The following SDR39U1 variants were observed in gnomAD, a reference collection of about 807,000 sequenced individuals.
SDR39U1 encodes the protein epimerase family protein SDR39U1.
In SDR39U1, 29 loss-of-function variants were observed where a neutral mutation model predicts 31.7. The ratio of observed to expected loss-of-function variants is 0.92; its 90% CI spans 0.68 to 1.25. The LOEUF (loss-of-function observed/expected upper bound fraction) is 1.25. Ranked by LOEUF, SDR39U1 falls within the 50% of genes most tolerant of loss-of-function variation. The pLI is 0.00. For missense variants in SDR39U1, 403 were observed against 378.4 expected (o/e 1.06, Z -0.54); for synonymous variants, 147 against 159.0 (o/e 0.92, Z 0.57).
At chr14:24,441,483 C>T in intron 4 of SDR39U1, 191 bp downstream of exon 4, 1 of 548,892 alleles carries the variant, frequency 1.8e-6, no homozygotes, top group Non-Finnish European at 3.1e-6. Context: ...ATGCCACTCC[C>T]CACTGTTTTT....
intron 4 of SDR39U1, 101 bp downstream of exon 4, chr14:24,441,573 G>T: frequency 1.0e-6 from 1 of 994,168 alleles, no homozygotes; most frequent in Non-Finnish European, 1.5e-6. Flanking sequence ...AAGTCATTTT[G>T]CCTGGAAAAG....
At position 24,439,999 on chromosome 14, in the gene SDR39U1, G is replaced by T; in HGVS notation, c.*84C>A. ...GGAATCTAAGAACCAGATGGCTTCA[G>T]CTCTCTAGAGGAGCTGAGCCTATTC... On this transcript the variant is annotated 3_prime_UTR_variant, in exon 6 of 6. Transcript: ENST00000399395. 8.6e-7 allele frequency: 1 copy of T among 1,164,092 alleles called. No homozygotes were observed. The highest frequency in any genetic ancestry group is 2.5e-5 in the East Asian group (1 of 40,016). 72.1% of individuals were successfully genotyped at this position (1,164,092 alleles called of 1,614,324 possible).
chr14:24,442,409 C>T lies in SDR39U1; in HGVS notation c.60G>A (p.Leu20=). The change falls in exon 2 of 6, where the codon CTG becomes CTA. Residue 20 remains leucine, a synonymous_variant. Coordinates refer to ENST00000399395, the MANE Select transcript of SDR39U1 (RefSeq NM_020195.3). The part of the protein sequence containing the change: ...GFIGTALTQL[L]NARGHEVTLV... Reference sequence around the variant, plus strand: ...ACGTCACTTCGTGGCCTCTGGCATTCAGCAGCTGGGTTAGGGCTGTCCCAA... The same window carrying T: ...ACGTCACTTCGTGGCCTCTGGCATTTAGCAGCTGGGTTAGGGCTGTCCCAA... 6.2e-7 allele frequency: 1 copy of T among 1,611,202 alleles called. No individual in the cohort carries two copies.
rs751691111 is a variant in SDR39U1 at position 24,442,175 on chromosome 14, G to A, written c.206+3C>T. ...GGGTATCAGCTTTAGGGCCCGGGCT[G>A]ACCTTCGGAGAGGGTTGAGGATGTT... On this transcript the variant is annotated splice_donor_region_variant and intron_variant, in intron 3 of 5. Coordinates refer to ENST00000399395, the MANE Select transcript of SDR39U1 (RefSeq NM_020195.3). The A allele has an allele frequency of 5.5e-5, 89 of 1,609,250 alleles. No individual in the cohort carries two copies. Among genetic ancestry groups the A allele is most frequent in the South Asian group, 1.1e-4 (10 of 89,996 alleles).
chr14:24,442,797 A>G, upstream of SDR39U1: 2 of 1,613,764 alleles, frequency 1.2e-6, no homozygotes, highest in East Asian at 2.2e-5. Context: ...GCGCCTGCGT[A>G]AAGTTTAGAG....
chr14:24,441,095 C>T (rs2043323891), intron 4 of SDR39U1, 169 bp from the exon 5 acceptor site: 4 of 711,064 alleles, frequency 5.6e-6, no homozygotes, highest in African/African-American at 2.0e-5. Context: ...TGAAGCGTTC[C>T]TTCCCTGGAG....
At chr14:24,441,378 G>T in intron 4 of SDR39U1, 1 of 464,904 alleles carries the variant, frequency 2.2e-6, no homozygotes, top group Non-Finnish European at 3.8e-6. Flanking sequence ...GCAATTACTT[G>T]GTCCCAAAGG....
chr14:24,442,520 G>T, intron 1 of SDR39U1, 68 bp from the exon 2 acceptor site: 7 of 1,423,246 alleles, frequency 4.9e-6, no homozygotes, highest in Non-Finnish European at 5.8e-6. Context: ...CGTCCCCGCT[G>T]TGGCACCCTC....
Position 24,439,871 on chromosome 14 carries a change from A to T in SDR39U1, c.*212T>A, listed in dbSNP as rs1594761528. On this transcript the variant is annotated 3_prime_UTR_variant, in exon 6 of 6. Coordinates refer to ENST00000399395, the MANE Select transcript of SDR39U1 (RefSeq NM_020195.3). ...GACATGTAGAGAAACCAAACTGGGA[A>T]ATCTTACAAGGAGTTGAAAAGATTA... 2 of 508,920 alleles carry T rather than the reference A, an allele frequency of 3.9e-6. No individual in the cohort carries two copies. Among genetic ancestry groups the T allele is most frequent in the East Asian group, 6.2e-5 (2 of 32,152 alleles). The allele number at this position is 508,920 out of a possible 1,614,324, so 31.5% of individuals were successfully genotyped here.
In SDR39U1 at chr14:24,439,852, T is replaced by G; in HGVS notation, c.*231A>C. 2.0e-6 allele frequency: 1 copy of G among 489,880 alleles called. No individual in the cohort carries two copies. The highest frequency in any genetic ancestry group is 3.6e-6 in the Non-Finnish European group (1 of 276,624). 30.3% of individuals were successfully genotyped at this position (489,880 alleles called of 1,614,324 possible). On this transcript the variant is annotated 3_prime_UTR_variant, in exon 6 of 6. Transcript: ENST00000399395. ...AGAAGTGGGGCAGCTGCAGGACATG[T>G]AGAGAAACCAAACTGGGAAATCTTA... is the stretch of plus-strand genomic sequence containing the variant.
chr14:24,439,888 A>C lies in SDR39U1; in HGVS notation c.*195T>G. 1.9e-6 allele frequency: 1 copy of C among 539,286 alleles called. No individual in the cohort carries two copies. The highest frequency in any genetic ancestry group is 3.2e-6 in the Non-Finnish European group (1 of 309,278). The allele number at this position is 539,286 out of a possible 1,614,324, so 33.4% of individuals were successfully genotyped here. ...AACTGGGAAATCTTACAAGGAGTTG[A>C]AAAGATTAATGTCCCAACCTGATGA... On this transcript the variant is annotated 3_prime_UTR_variant, in exon 6 of 6. Transcript: ENST00000399395.
intron 1 of SDR39U1, 84 bp downstream of exon 1, chr14:24,442,670 G>T: frequency 6.5e-7 from 1 of 1,545,434 alleles, no homozygotes; most frequent in Non-Finnish European, 8.9e-7. Context: ...CTGTGCACTA[G>T]ACAGTGCCCT....
chr14:24,441,047 G>A (rs756467648), intron 4 of SDR39U1, 121 bp from the exon 5 acceptor site: 3 of 1,095,866 alleles, frequency 2.7e-6, no homozygotes, highest in Non-Finnish European at 4.1e-6. Flanking sequence ...TGGAGACAGA[G>A]CCATTTGGAT....
chr14:24,440,653 T>A, intron 5 of SDR39U1, 130 bp downstream of exon 5: 2 of 1,371,398 alleles, frequency 1.5e-6, no homozygotes, highest in South Asian at 1.3e-5. Context: ...CACCTTCTCA[T>A]CTGCAGGTTG....
In SDR39U1 at chr14:24,442,267, G is replaced by C; in HGVS notation, c.124-7C>G. The stretch of plus-strand genomic sequence containing the variant: ...CCGATGCAGCGAGCTCATCCTGTCG[G>C]AGAAAGCACACAGTGCCCCTGCCCC... On this transcript the variant is annotated splice_polypyrimidine_tract_variant and splice_region_variant and intron_variant, in intron 2 of 5. Transcript: ENST00000399395. 6.2e-7 allele frequency: 1 copy of C among 1,608,050 alleles called. No individual in the cohort carries two copies. The highest frequency in any genetic ancestry group is 8.5e-7 in the Non-Finnish European group (1 of 1,177,630).
In SDR39U1 at chr14:24,440,477, C is replaced by A. The variant is rs557845473; in HGVS notation, c.488G>T (p.Arg163Leu). 1.2e-6 allele frequency: 2 copies of A among 1,606,178 alleles called. No individual in the cohort carries two copies. The highest frequency in any genetic ancestry group is 1.7e-6 in the Non-Finnish European group (2 of 1,176,298). Reference protein sequence around the residue: ...VVVRSGVVLGRGGGAMGHMLL... With the variant: ...VVVRSGVVLGLGGGAMGHMLL... The stretch of plus-strand genomic sequence containing the variant: ...CATGTGGCCCATGGCACCACCCCCA[C>A]GGCCCAGCACAACCCCTAGAGCAGG... Residue 163 changes from arginine (R) to leucine (L), a missense_variant, in exon 6 of 6, where the codon CGT becomes CTT. Transcript: ENST00000399395.
At position 24,440,378 on chromosome 14, in the gene SDR39U1, C is replaced by A. The variant is rs200984811; in HGVS notation, c.587G>T (p.Gly196Val). 1.4e-5 allele frequency: 22 copies of A among 1,613,990 alleles called. No homozygotes were observed. Among genetic ancestry groups the A allele is most frequent in the Non-Finnish European group, 8.5e-7 (1 of 1,179,868 alleles). Residue 196 changes from glycine to valine, a missense_variant, in exon 6 of 6, where the codon GGG becomes GTG. Transcript: ENST00000399395. The stretch of plus-strand genomic sequence containing the variant: ...ATGGGTCAGGATTCCTGCCAGGTCC[C>A]CGATGTGTATCCAGGGGAAGAATTG... Reference protein sequence around the residue: ...GHQFFPWIHIGDLAGILTHAL... With the variant: ...GHQFFPWIHIVDLAGILTHAL...
chr14:24,440,950 G>T, intron 4 of SDR39U1, 24 bp from the exon 5 acceptor site: 1 of 1,613,866 alleles, frequency 6.2e-7, no homozygotes, highest in Non-Finnish European at 8.5e-7. Context: ...ACAATCATTT[G>T]CCCTGGGTGT....
At chr14:24,442,644 G>T in intron 1 of SDR39U1, 110 bp downstream of exon 1, 2 of 1,419,324 alleles carry the variant, frequency 1.4e-6, no homozygotes, top group Non-Finnish European at 2.0e-6. Flanking sequence ...GGGCTAGGAG[G>T]CCAAGGCCAG....
Sources: gnomAD v4.1 joint callset for allele counts on GRCh38, gnomAD v4.1.1 for gene constraint, MANE v1.5 for transcripts, NCBI Gene and HGNC (gene_info 2026-07-23, HGNC 2026-07-21) for gene names.